Variants in CPSF4L observed in about 807,000 individuals in gnomAD.
CPSF4L encodes putative cleavage and polyadenylation specificity factor subunit 4-like protein.
CPSF4L carries 18 observed loss-of-function variants against 24.0 expected under a neutral mutation model. The ratio of observed to expected loss-of-function variants is 0.75; its 90% confidence interval spans 0.52 to 1.11. The LOEUF is 1.11. CPSF4L is among the 50% of genes least tolerant of loss of function. CPSF4L has a pLI of 0.00. For synonymous variants in CPSF4L, 72 were observed against 77.2 expected (o/e 0.93, Z 0.35); for missense variants, 211 against 221.8 (o/e 0.95, Z 0.31).
intron 5 of CPSF4L, among the ~76,000 whole-genome samples, chr17:73,249,245 C>G (rs113135581): frequency 2.1e-4 from 32 of 152,298 alleles, no homozygotes; most frequent in African/African-American, 7.5e-4. Flanking sequence ...AAGAGAGGCC[C>G]TACTGCAATC....
chr17:73,258,893 C>G (rs2062034103), intron 2 of CPSF4L, among the ~76,000 whole-genome samples: 1 of 152,180 alleles, frequency 6.6e-6, no homozygotes, highest in Admixed American at 6.5e-5. Context: ...CTTCCCGATT[C>G]CAGAGACCTA....
At chr17:73,243,141 A>G in the CPSF4L span, 11 of 711,194 alleles carry the variant, frequency 1.5e-5, no homozygotes, top group South Asian at 1.4e-4. Flanking sequence ...TGAATGAGCT[A>G]TTGCCTGGGG....
chr17:73,245,423 C>G, downstream of CPSF4L: 1 of 1,195,890 alleles, frequency 8.4e-7, no homozygotes, highest in Middle Eastern at 3.2e-4. Context: ...CTCTCAGGAG[C>G]AACTGAGAAT....
At chr17:73,258,853 T>C (rs1267394081) in intron 2 of CPSF4L, among the ~76,000 whole-genome samples, 1 of 152,222 alleles carries the variant, frequency 6.6e-6, no homozygotes, top group Admixed American at 6.5e-5. Flanking sequence ...GTGTGTTGAA[T>C]TCCCATCTTT....
chr17:73,254,025 A>G lies in CPSF4L; in HGVS notation c.309T>C (p.Gly103=). The G allele has an allele frequency of 6.4e-7, 1 of 1,551,148 alleles. No individual in the cohort carries two copies. Among genetic ancestry groups the G allele is most frequent in the Non-Finnish European group, 8.7e-7 (1 of 1,146,530 alleles). ...AGGAACACTCCTTGTTGCTGCAGTC[A>G]CCTGAAAATCCCAGCACTCTCTGTA... The part of the protein sequence containing the change: ...MPECYFYSKF[G]DCSNKECSFL... Residue 103 remains glycine, a splice_region_variant and synonymous_variant, in exon 4 of 6, where the codon GGT becomes GGC. Coordinates refer to ENST00000344935, the MANE Select transcript of CPSF4L (RefSeq NM_001129885.1).
chr17:73,245,650 G>A (rs1160451107), downstream of CPSF4L: 1 of 985,350 alleles, frequency 1.0e-6, no homozygotes, highest in Non-Finnish European at 1.2e-6. Context: ...CTTCCCCTTA[G>A]TTTCTTTGGG....
At chr17:73,248,380 T>G, downstream of CPSF4L, 6 of 976,058 alleles carry the variant, frequency 6.1e-6, no homozygotes, top group Non-Finnish European at 9.5e-6. Context: ...ATTTACCATT[T>G]TAAACAGCCT....
intron 3 of CPSF4L, among the ~76,000 whole-genome samples, chr17:73,255,829 G>A (rs1179533652): frequency 3.3e-5 from 5 of 152,140 alleles, no homozygotes; most frequent in Non-Finnish European, 7.4e-5. Context: ...GTTCTGCTGC[G>A]TGCACGTCTC....
intron 3 of CPSF4L, among the ~76,000 whole-genome samples, chr17:73,257,433 C>G (rs1193743585): frequency 6.6e-6 from 1 of 150,896 alleles, no homozygotes; most frequent in Non-Finnish European, 1.5e-5. Flanking sequence ...GAAACAATCC[C>G]TTCTTCCCTT....
At chr17:73,247,295 T>G (rs2061964567), downstream of CPSF4L, 1 of 1,614,102 alleles carries the variant, frequency 6.2e-7, no homozygotes, top group African/African-American at 1.3e-5. Context: ...TGCATTGGTG[T>G]GGCGAAGACG....
At position 73,253,959 on chromosome 17, in the gene CPSF4L, AG is replaced by A; in HGVS notation, c.374del (p.Pro125LeufsTer22). 1 of 1,551,688 alleles carries A rather than the reference AG, an allele frequency of 6.4e-7. No individual in the cohort carries two copies. On this transcript the variant is annotated frameshift_variant, in exon 4 of 6. Coordinates refer to ENST00000344935, the MANE Select transcript of CPSF4L (RefSeq NM_001129885.1). LOFTEE classifies it high-confidence loss of function. The stretch of plus-strand genomic sequence containing the variant: ...CCTTGCAGAAACCTTGGTCATACCA[AG>A]GACAGTCCTGGGACTTGAAAGCTGG... ...VKPAFKSQDC[P>X]WYDQGFCKDG...
the CPSF4L span, chr17:73,242,206 C>G: frequency 7.1e-7 from 1 of 1,403,392 alleles, no homozygotes; most frequent in Non-Finnish European, 9.9e-7. Flanking sequence ...GGGTACGTTT[C>G]GGTAAACAAT....
chr17:73,256,711 C>G (rs2062025763), intron 3 of CPSF4L, among the ~76,000 whole-genome samples: 1 of 152,114 alleles, frequency 6.6e-6, no homozygotes, highest in African/African-American at 2.4e-5. Flanking sequence ...TGCAGCTGCC[C>G]CATAAACAGT....
chr17:73,242,373 TGTC>T, the CPSF4L span: 9 of 1,483,620 alleles, frequency 6.1e-6, no homozygotes, highest in South Asian at 1.1e-4. Flanking sequence ...GTTTGACTGT[TGTC>T]TTCTGTTGCA....
At position 73,261,760 on chromosome 17, in the gene CPSF4L, T is replaced by G; in HGVS notation, c.59A>C (p.Glu20Ala). The change falls in exon 1 of 6, where the codon GAG (glutamate) becomes GCG (alanine). Residue 20 changes from glutamate to alanine, a missense_variant. By Grantham distance (107) the Glu-to-Ala change is moderately radical (BLOSUM62 -1). Transcript: ENST00000344935. ...RFTFAFEKDVEMQKGTGLLPF... is the reference protein window; with the variant it reads ...RFTFAFEKDVAMQKGTGLLPF... ...CAGGAGCCCAGTGCCCTTCTGCATC[T>G]CGACATCCTTCTCGAAGGCAAAGGT... 6.4e-7 allele frequency: 1 copy of G among 1,551,746 alleles called. No homozygotes were observed. Among genetic ancestry groups the G allele is most frequent in the Non-Finnish European group, 8.7e-7 (1 of 1,146,990 alleles).
upstream of CPSF4L, among the ~76,000 whole-genome samples, chr17:73,263,560 G>A (rs2062054654): frequency 6.6e-6 from 1 of 152,070 alleles, no homozygotes; most frequent in Admixed American, 6.5e-5. Flanking sequence ...TGTGAAGGCT[G>A]AGGAGGCGCT....
At chr17:73,246,221 T>C (rs1448052954), downstream of CPSF4L, among the ~76,000 whole-genome samples, 1 of 152,182 alleles carries the variant, frequency 6.6e-6, no homozygotes, top group Non-Finnish European at 1.5e-5. Flanking sequence ...TCAGTTCCTC[T>C]TATGTCCCAG....
At chr17:73,250,465 C>T (rs962578289) in intron 5 of CPSF4L, among the ~76,000 whole-genome samples, 3 of 152,166 alleles carry the variant, frequency 2.0e-5, no homozygotes, top group South Asian at 2.1e-4. Flanking sequence ...ATCACAATCC[C>T]AGAGAACGAG....
In CPSF4L at chr17:73,257,384, T is replaced by G. The variant is rs535835092; in HGVS notation, c.307+297A>C. Among the ~76,000 whole-genome samples the G allele has an allele frequency of 9.2e-5, 14 of 151,690 alleles. No homozygotes were observed. In the South Asian group the frequency reaches 2.9e-3, roughly 32 times the overall value. On this transcript the variant is annotated intron_variant, in intron 3 of 5. Coordinates refer to ENST00000344935, the MANE Select transcript of CPSF4L (RefSeq NM_001129885.1). Reference sequence around the variant, plus strand: ...ATGGCTCATTTGAGACATTTCAATATAGTCAGGCTGGGTGTGTGATGAACC... The same window carrying G: ...ATGGCTCATTTGAGACATTTCAATAGAGTCAGGCTGGGTGTGTGATGAACC...
Sources: gnomAD v4.1 joint callset for allele counts (sites outside exome capture counted in the v4.1 genomes callset) on GRCh38, gnomAD v4.1.1 for gene constraint, MANE v1.5 for transcripts, NCBI Gene and HGNC (gene_info 2026-07-23, HGNC 2026-07-21) for gene names.